Variants in DNAH12 observed in about 807,000 individuals in gnomAD.
The protein encoded by DNAH12 is dynein axonemal heavy chain 12, also known as axonemal beta dynein heavy chain 12.
In DNAH12, 285 loss-of-function variants were observed where a neutral mutation model predicts 371.5. The ratio of observed to expected loss-of-function variants is 0.77; its 90% CI spans 0.70 to 0.85. The LOEUF (loss-of-function observed/expected upper bound fraction) is 0.85, where lower values mean the gene tolerates loss of function less well. DNAH12 is among the 40% of genes least tolerant of loss of function. DNAH12 has a pLI of 0.00. For missense variants in DNAH12, 3,611 were observed against 3,689.4 expected (o/e 0.98, Z 0.55); for synonymous variants, 1,200 against 1,213.0 (o/e 0.99, Z 0.22).
rs1000797774 is a variant in DNAH12 at position 57,520,028 on chromosome 3, G to C, written c.279+3555C>G. The C allele has an allele frequency of 3.0e-5, 22 of 729,462 alleles. No homozygotes were observed. In the African/African-American group the frequency reaches 3.7e-4, roughly 12 times the overall value. 45.2% of individuals were successfully genotyped at this position (729,462 alleles called of 1,614,324 possible). On this transcript the variant is annotated intron_variant, in intron 4 of 73. Transcript: ENST00000495027. ...TCGGCCATGGTAGCGCCGCGGAGCC[G>C]ATGGCCGACGTTGGGTTGGGGAAAG...
intron 4 of DNAH12, among the ~76,000 whole-genome samples, chr3:57,518,528 C>G (rs1333359393): frequency 1.0e-5 from 1 of 100,092 alleles, no homozygotes; most frequent in Non-Finnish European, 2.3e-5. Flanking sequence ...TACTCTGTCT[C>G]AAAAAAAAGA....
intron 4 of DNAH12, among the ~76,000 whole-genome samples, chr3:57,521,681 G>A (rs945867051): frequency 2.0e-5 from 3 of 152,160 alleles, no homozygotes; most frequent in African/African-American, 7.2e-5. Context: ...GAGGTCAGGA[G>A]TTCAAGACCA....
At chr3:57,333,301 G>A (rs1160137821) in intron 62 of DNAH12, among the ~76,000 whole-genome samples, 2 of 139,032 alleles carry the variant, frequency 1.4e-5, no homozygotes, top group East Asian at 4.1e-4. Flanking sequence ...GAGCCACCGT[G>A]CCCGGATACA....
chr3:57,478,449 T>G (rs2066614536), intron 13 of DNAH12, among the ~76,000 whole-genome samples: 1 of 152,222 alleles, frequency 6.6e-6, no homozygotes, highest in Non-Finnish European at 1.5e-5. Flanking sequence ...TACGTCTGAT[T>G]GGTGTACCTG....
At chr3:57,453,826 G>A (rs1275737722) in intron 23 of DNAH12, among the ~76,000 whole-genome samples, 3 of 151,950 alleles carry the variant, frequency 2.0e-5, no homozygotes, top group African/African-American at 4.8e-5. Context: ...CACCCACCTC[G>A]GTCTCCCAAA....
At chr3:57,302,529 GTATATATATATATATA>G (rs71088055) in intron 69 of DNAH12, among the ~76,000 whole-genome samples, 2 of 47,850 alleles carry the variant, frequency 4.2e-5, no homozygotes, top group Non-Finnish European at 6.8e-5. Context: ...GGCATCAGGT[GTATATATATATATATA>G]TATATATATA....
At chr3:57,519,671 A>C in intron 4 of DNAH12, 1 of 1,587,686 alleles carries the variant, frequency 6.3e-7, no homozygotes. Flanking sequence ...AACCGCTCTC[A>C]TTTGCCGATT....
At chr3:57,425,622 A>T (rs1431148400) in intron 34 of DNAH12, among the ~76,000 whole-genome samples, 1 of 152,212 alleles carries the variant, frequency 6.6e-6, no homozygotes, top group African/African-American at 2.4e-5. Flanking sequence ...GCATGATAAA[A>T]CATTTCTCAA....
chr3:57,414,622 T>G (rs1200804526), intron 38 of DNAH12, among the ~76,000 whole-genome samples: 1 of 152,250 alleles, frequency 6.6e-6, no homozygotes, highest in African/African-American at 2.4e-5. Context: ...TCTATTAATT[T>G]TAACTTACTT....
At position 57,413,843 on chromosome 3, in the gene DNAH12, T is replaced by C. The variant is rs1403391227; in HGVS notation, c.5923A>G (p.Ile1975Val). The C allele has an allele frequency of 6.4e-7, 1 of 1,551,164 alleles. No individual in the cohort carries two copies. The highest frequency in any genetic ancestry group is 1.4e-5 in the African/African-American group (1 of 73,054). Residue 1975 changes from isoleucine (I) to valine (V), a missense_variant, in exon 39 of 74, where the codon ATA becomes GTA. Transcript: ENST00000495027. The part of the protein sequence containing the change: ...VFGPPMGKKC[I>V]IFIDDMNMPA... ...ATATTCATATCATCTATAAAAATTA[T>C]ACACTTCTTTCCCATAGGTGGTCCA...
intron 62 of DNAH12, among the ~76,000 whole-genome samples, chr3:57,325,547 C>T (rs961733640): frequency 6.6e-6 from 1 of 152,160 alleles, no homozygotes; most frequent in Non-Finnish European, 1.5e-5. Context: ...ACAGAAAGGA[C>T]ATCCACACCA....
At chr3:57,549,624 T>C in the DNAH12 span, among the ~76,000 whole-genome samples, 2 of 152,264 alleles carry the variant, frequency 1.3e-5, no homozygotes, top group Admixed American at 6.5e-5. Context: ...TCTTTTACTA[T>C]ATTTTATTTT....
intron 60 of DNAH12, among the ~76,000 whole-genome samples, chr3:57,347,213 A>C (rs2062563179): frequency 6.6e-6 from 1 of 152,204 alleles, no homozygotes; most frequent in Non-Finnish European, 1.5e-5. Context: ...AAAAATCCTC[A>C]ACAAAAGGAA....
chr3:57,427,137 A>AGTGTGTGTGTGTGT (rs1559646432), intron 34 of DNAH12, among the ~76,000 whole-genome samples: 4 of 70,518 alleles, frequency 5.7e-5, no homozygotes, highest in South Asian at 6.2e-4. Context: ...GTAAGAAGCG[A>AGTGTGTGTGTGTGT]ATGTGTGTGT....
At chr3:57,555,152 G>C in the DNAH12 span, among the ~76,000 whole-genome samples, 1 of 152,064 alleles carries the variant, frequency 6.6e-6, no homozygotes, top group Non-Finnish European at 1.5e-5. Flanking sequence ...GCTGAGGCAC[G>C]AGAATCGCTT....
Position 57,403,251 on chromosome 3 carries a change from T to C in DNAH12, c.6948+58A>G, listed in dbSNP as rs1411591489. 4.1e-6 allele frequency: 6 copies of C among 1,472,692 alleles called. No homozygotes were observed. In the African/African-American group the frequency reaches 8.5e-5, roughly 21 times the overall value. The allele number at this position is 1,472,692 out of a possible 1,614,324, so 91.2% of individuals were successfully genotyped here. A position where few individuals can be genotyped will look rare whatever the true frequency, so the allele number is the denominator to read the frequency against. On this transcript the variant is annotated intron_variant, in intron 43 of 73. Coordinates refer to ENST00000495027, the MANE Select transcript of DNAH12 (RefSeq NM_001366028.2). ...CAGCTACACAGGCTGGTTCTCTCTT[T>C]ACGAGTAAAAGAATATACTGTTTTC...
At chr3:57,322,145 T>C (rs1466548200) in intron 65 of DNAH12, among the ~76,000 whole-genome samples, 198 bp downstream of exon 65, 3 of 152,230 alleles carry the variant, frequency 2.0e-5, no homozygotes, top group Admixed American at 1.3e-4. Context: ...CGATGTCTAC[T>C]GTGTGGGAAG....
chr3:57,535,838 C>T (rs1442881275), intron 2 of DNAH12, among the ~76,000 whole-genome samples: 2 of 119,764 alleles, frequency 1.7e-5, no homozygotes, highest in Non-Finnish European at 3.4e-5. Flanking sequence ...CACCACACCC[C>T]AATTTTTTTT....
At chr3:57,522,125 G>A (rs569225863) in intron 4 of DNAH12, among the ~76,000 whole-genome samples, 1 of 152,242 alleles carries the variant, frequency 6.6e-6, no homozygotes, top group South Asian at 2.1e-4. Flanking sequence ...TCAGGAGGCT[G>A]AGGCAGGAGA....
Sources: allele counts gnomAD v4.1 joint callset (sites outside exome capture counted in the v4.1 genomes callset), GRCh38; gene constraint gnomAD v4.1.1; transcripts MANE v1.5; gene names NCBI Gene and HGNC (gene_info 2026-07-23, HGNC 2026-07-21).